TANC1: variants seen among roughly 807,000 people sequenced by gnomAD.
TANC1 encodes protein TANC1.
In TANC1, 77 loss-of-function variants were observed where a neutral mutation model predicts 149.7. That is an observed-to-expected ratio of 0.51 (90% CI 0.43 to 0.62). The LOEUF (loss-of-function observed/expected upper bound fraction) is 0.62, where lower values mean the gene tolerates loss of function less well. TANC1 is among the 20% of genes least tolerant of loss of function. The pLI is 0.00. For synonymous variants in TANC1, 854 were observed against 925.0 expected, an observed-to-expected ratio of 0.92 and a Z score of 1.39; for missense variants, 1,985 against 2,321.8, an observed-to-expected ratio of 0.85 and a Z score of 2.98.
intron 2 of TANC1, among the ~76,000 whole-genome samples, chr2:159,059,524 A>AT (rs1559183020): frequency 2.5e-4 from 33 of 133,902 alleles, no homozygotes; most frequent in South Asian, 4.5e-4. Context: ...CAAATATATA[A>AT]AAAAAAAAGA....
At chr2:159,205,063 T>C (rs902987304) in intron 19 of TANC1, among the ~76,000 whole-genome samples, 1 of 152,246 alleles carries the variant, frequency 6.6e-6, no homozygotes, top group Non-Finnish European at 1.5e-5. Flanking sequence ...CAGGCCCCTC[T>C]TGGGGGTGGG....
intron 4 of TANC1, 53 bp from the exon 5 acceptor site, chr2:159,136,141 G>A: frequency 9.2e-7 from 1 of 1,083,526 alleles, no homozygotes; most frequent in Non-Finnish European, 1.4e-6. Context: ...ACATTCCAAG[G>A]CTTTGTTTGC....
chr2:159,164,362 A>G (rs929132066), intron 8 of TANC1, among the ~76,000 whole-genome samples: 1 of 152,236 alleles, frequency 6.6e-6, no homozygotes, highest in African/African-American at 2.4e-5. Flanking sequence ...TTTAAAATAT[A>G]TAGGAGGATG....
chr2:159,049,147 A>G (rs963250076), intron 2 of TANC1, among the ~76,000 whole-genome samples: 1 of 152,196 alleles, frequency 6.6e-6, no homozygotes, highest in East Asian at 1.9e-4. Context: ...GGCCCTTTTA[A>G]TACATAGATA....
intron 1 of TANC1, among the ~76,000 whole-genome samples, chr2:158,997,483 A>G (rs2036238807): frequency 6.6e-6 from 1 of 152,192 alleles, no homozygotes; most frequent in Non-Finnish European, 1.5e-5. Context: ...CTTAGAAACA[A>G]TAACACCCCA....
rs540832642 is a variant in TANC1, at chr2:158,992,480, A to C, written c.-125-8600A>C. Reference sequence around the variant, plus strand: ...ATGTATAGCTGTAGCTAAGGTATACATGTACTTATAGGCTTTTCTGTGTAA... The same window carrying C: ...ATGTATAGCTGTAGCTAAGGTATACCTGTACTTATAGGCTTTTCTGTGTAA... On this transcript the variant is annotated intron_variant, in intron 1 of 26. Coordinates refer to ENST00000263635, the MANE Select transcript of TANC1 (RefSeq NM_033394.3). 2.6e-5 allele frequency among the ~76,000 whole-genome samples: 4 copies of C among 151,780 alleles called. No individual in the cohort carries two copies. In the South Asian group the frequency reaches 8.3e-4, roughly 32 times the overall value.
chr2:159,120,315 A>G (rs932483254), intron 4 of TANC1, among the ~76,000 whole-genome samples: 2 of 152,188 alleles, frequency 1.3e-5, no homozygotes, highest in South Asian at 4.1e-4. Context: ...ACTGTGGGAT[A>G]GGGAGTAGAC....
At chr2:159,083,897 ATGG>A (rs1005741007) in intron 3 of TANC1, among the ~76,000 whole-genome samples, 3 of 150,916 alleles carry the variant, frequency 2.0e-5, no homozygotes, top group Admixed American at 1.3e-4. Flanking sequence ...TTTGGTGCTG[ATGG>A]TGGAATAGGG....
rs183126727 is a variant in TANC1, at chr2:159,002,325, G to A, written c.-16+1136G>A. On this transcript the variant is annotated intron_variant, in intron 2 of 26. Transcript: ENST00000263635. ...TGAGCCTGAAGTCAGCAAGCTGATC[G>A]TGAATTTAGGTGCATGAACGTAGGG... is the stretch of plus-strand genomic sequence containing the variant. 9.8e-4 allele frequency among the ~76,000 whole-genome samples: 149 copies of A among 152,244 alleles called. 1 individual carries two copies. Among genetic ancestry groups the A allele is most frequent in the African/African-American group, 3.4e-3 (142 of 41,544 alleles).
chr2:158,991,377 G>A (rs2035612900), intron 1 of TANC1, among the ~76,000 whole-genome samples: 1 of 152,106 alleles, frequency 6.6e-6, no homozygotes, highest in Non-Finnish European at 1.5e-5. Context: ...AAAAGAATGA[G>A]GTAGGTTTAT....
At chr2:159,227,623 A>C (rs1024036574) in intron 24 of TANC1, 196 bp from the exon 25 acceptor site, 20 of 587,742 alleles carry the variant, frequency 3.4e-5, no homozygotes, top group Non-Finnish European at 5.0e-5. Context: ...ATGCGGGTGC[A>C]TGTGAGGACA....
chr2:159,180,194 T>C (rs1575120400), intron 14 of TANC1, among the ~76,000 whole-genome samples: 1 of 152,160 alleles, frequency 6.6e-6, no homozygotes, highest in Non-Finnish European at 1.5e-5. Flanking sequence ...TGGCTGAAGG[T>C]TTGTTGTTAT....
rs950890976 is a variant in TANC1 at position 159,075,113 on chromosome 2, T to C, written c.61+9142T>C. Among the ~76,000 whole-genome samples, 4 of 152,228 alleles carry C rather than the reference T, an allele frequency of 2.6e-5. No homozygotes were observed. The East Asian group carries it at 5.8e-4, about 22-fold the overall frequency. On this transcript the variant is annotated intron_variant, in intron 3 of 26. Coordinates refer to ENST00000263635, the MANE Select transcript of TANC1 (RefSeq NM_033394.3). ...ATTATAAACACGATACCCTGGAGAATTGGTCATGAAACACCATTATTTTAT... is the reference window on the plus strand; with the variant it reads ...ATTATAAACACGATACCCTGGAGAACTGGTCATGAAACACCATTATTTTAT...
Position 159,150,545 on chromosome 2 carries a change from G to T in TANC1, c.671G>T (p.Ser224Ile), listed in dbSNP as rs1432502902. The T allele has an allele frequency of 1.2e-6, 2 of 1,613,528 alleles. No individual in the cohort carries two copies. Among genetic ancestry groups the T allele is most frequent in the African/African-American group, 2.7e-5 (2 of 74,916 alleles). The change falls in exon 7 of 27, where the codon AGT (serine) becomes ATT (isoleucine). Residue 224 changes from serine to isoleucine, a missense_variant. Ser to Ile is a moderately radical substitution (Grantham distance 142, BLOSUM62 -2). Coordinates refer to ENST00000263635, the MANE Select transcript of TANC1 (RefSeq NM_033394.3). The part of the protein sequence containing the change: ...SPSSTLESKD[S>I]GIIATITSSS... Reference sequence around the variant, plus strand: ...AGTTCCACCCTGGAAAGCAAGGACAGTGGAATTATAGGTAAGAAGCACACT... The same window carrying T: ...AGTTCCACCCTGGAAAGCAAGGACATTGGAATTATAGGTAAGAAGCACACT...
At chr2:159,068,200 C>T (rs1338071882) in intron 3 of TANC1, among the ~76,000 whole-genome samples, 2 of 152,190 alleles carry the variant, frequency 1.3e-5, no homozygotes, top group Non-Finnish European at 2.9e-5. Flanking sequence ...AATTTGACCA[C>T]TCATATGTTG....
In TANC1 at chr2:159,219,155, TA is replaced by T; in HGVS notation, c.3379-80del. The T allele has an allele frequency of 3.2e-6, 5 of 1,555,918 alleles. No homozygotes were observed. The South Asian group carries it at 5.6e-5, about 17-fold the overall frequency. On this transcript the variant is annotated intron_variant, in intron 20 of 26. Transcript: ENST00000263635. ...TGAAAGAAAGTCATTTGACTATTTT[TA>T]AAGGTTGAGAAACCTGCCTGGGTAT...
At chr2:158,976,181 C>A (rs2033649472) in intron 1 of TANC1, among the ~76,000 whole-genome samples, 1 of 152,186 alleles carries the variant, frequency 6.6e-6, no homozygotes, top group African/African-American at 2.4e-5. Context: ...TGTGCTAGAT[C>A]ATCCAATATG....
At chr2:159,027,634 C>T (rs1416542378) in intron 2 of TANC1, among the ~76,000 whole-genome samples, 1 of 152,178 alleles carries the variant, frequency 6.6e-6, no homozygotes, top group Non-Finnish European at 1.5e-5. Context: ...TTCTAGCTTG[C>T]TCCCTCAAAC....
At chr2:159,058,815 TTTTG>T (rs140501867) in intron 2 of TANC1, among the ~76,000 whole-genome samples, 16,390 of 151,990 alleles carry the variant, frequency 0.11, 887 homozygotes, top group African/African-American at 0.13. Flanking sequence ...AGGTAAGGTG[TTTTG>T]TTTGTTTGTT....
Sources: allele counts gnomAD v4.1 joint callset (sites outside exome capture counted in the v4.1 genomes callset), GRCh38; gene constraint gnomAD v4.1.1; transcripts MANE v1.5; gene names NCBI Gene and HGNC (gene_info 2026-07-23, HGNC 2026-07-21).